Variants in NALF1 observed in about 807,000 individuals in gnomAD.
NALF1 encodes family with sequence similarity 155 member A.
NALF1 carries 3 observed loss-of-function variants against 48.4 expected under a neutral mutation model. The observed-to-expected ratio is 0.06, with a 90% confidence interval of 0.03 to 0.16. The LOEUF (loss-of-function observed/expected upper bound fraction) is 0.16, where lower values mean the gene tolerates loss of function less well. Among genes scored for constraint, NALF1 ranks in the 10% least tolerant of loss-of-function variants. The pLI, the probability that NALF1 is intolerant of heterozygous loss-of-function variation, is 1.00. For synonymous variants in NALF1, 262 were observed against 245.7 expected (o/e 1.07, Z -0.62); for missense variants, 526 against 571.5 (o/e 0.92, Z 0.81).
At chr13:107,257,322 G>A (rs1880837478) in intron 1 of NALF1, among the ~76,000 whole-genome samples, 1 of 152,068 alleles carries the variant, frequency 6.6e-6, no homozygotes, top group South Asian at 2.1e-4. Context: ...GAATAAGACC[G>A]TTGTGACTAC....
intron 1 of NALF1, among the ~76,000 whole-genome samples, chr13:107,508,346 TATC>T (rs549190309): frequency 2.0e-3 from 302 of 151,398 alleles, no homozygotes; most frequent in Admixed American, 6.6e-3. Context: ...ACATATTACA[TATC>T]ATATAGTGGT....
chr13:107,315,309 C>T (rs926745717), intron 1 of NALF1, among the ~76,000 whole-genome samples: 6 of 152,070 alleles, frequency 3.9e-5, no homozygotes, highest in Non-Finnish European at 5.9e-5. Context: ...CCAGACCCTC[C>T]GCACTAAATA....
intron 1 of NALF1, among the ~76,000 whole-genome samples, chr13:107,476,270 G>A (rs1885176107): frequency 6.6e-6 from 1 of 152,010 alleles, no homozygotes; most frequent in Non-Finnish European, 1.5e-5. Context: ...ATCAAAGGCG[G>A]TGATTATAAA....
At chr13:107,639,798 T>C (rs1385261825) in intron 1 of NALF1, among the ~76,000 whole-genome samples, 3 of 152,206 alleles carry the variant, frequency 2.0e-5, no homozygotes, top group African/African-American at 4.8e-5. Flanking sequence ...GCTGTGCTCA[T>C]TGCATTCTTT....
At chr13:107,223,628 C>G (rs1043913205) in intron 1 of NALF1, among the ~76,000 whole-genome samples, 5 of 152,104 alleles carry the variant, frequency 3.3e-5, no homozygotes, top group Admixed American at 3.3e-4. Context: ...CTTTAGAATT[C>G]CTCCCTAAAA....
chr13:107,340,970 A>G (rs144372148), intron 1 of NALF1, among the ~76,000 whole-genome samples: 1 of 152,186 alleles, frequency 6.6e-6, no homozygotes, highest in East Asian at 1.9e-4. Flanking sequence ...GATTTATAGA[A>G]TCAAAGGTAG....
At chr13:107,218,623 A>AC (rs1879927286) in intron 1 of NALF1, among the ~76,000 whole-genome samples, 1 of 151,460 alleles carries the variant, frequency 6.6e-6, no homozygotes, top group African/African-American at 2.4e-5. Flanking sequence ...AAACAAACAA[A>AC]ACAAACAAAC....
chr13:107,668,954 A>C (rs559159567), intron 1 of NALF1, among the ~76,000 whole-genome samples: 1 of 152,184 alleles, frequency 6.6e-6, no homozygotes, highest in Non-Finnish European at 1.5e-5. Context: ...TAAAAAAAAG[A>C]TACCTTCGAA....
At chr13:107,570,953 T>C (rs937431555) in intron 1 of NALF1, among the ~76,000 whole-genome samples, 1 of 152,094 alleles carries the variant, frequency 6.6e-6, no homozygotes, top group Non-Finnish European at 1.5e-5. Flanking sequence ...GATTCTTCAA[T>C]GAGATTTGTA....
intron 1 of NALF1, among the ~76,000 whole-genome samples, chr13:107,601,796 G>T (rs1041953712): frequency 6.6e-6 from 1 of 151,908 alleles, no homozygotes; most frequent in Non-Finnish European, 1.5e-5. Context: ...GGTGGAAATA[G>T]AGTATGTTTC....
intron 1 of NALF1, among the ~76,000 whole-genome samples, chr13:107,650,979 C>T (rs1231170587): frequency 6.6e-6 from 1 of 151,828 alleles, no homozygotes; most frequent in African/African-American, 2.4e-5. Context: ...AGATACTGGG[C>T]TTAGTACCTG....
At chr13:107,467,806 C>A (rs1016488055) in intron 1 of NALF1, among the ~76,000 whole-genome samples, 1 of 151,938 alleles carries the variant, frequency 6.6e-6, no homozygotes, top group Non-Finnish European at 1.5e-5. Context: ...TTTGGGAGAC[C>A]GAGGCGGGTG....
At chr13:107,229,150 A>G (rs1380372250) in intron 1 of NALF1, among the ~76,000 whole-genome samples, 2 of 152,240 alleles carry the variant, frequency 1.3e-5, no homozygotes, top group South Asian at 2.1e-4. Context: ...TAAAATATAA[A>G]CCACATTTTA....
intron 1 of NALF1, among the ~76,000 whole-genome samples, chr13:107,240,248 C>T (rs972382876): frequency 6.6e-6 from 1 of 152,046 alleles, no homozygotes; most frequent in Admixed American, 6.6e-5. Flanking sequence ...ATTTATGGAC[C>T]AATCCAAGGC....
chr13:107,207,320 G>A (rs1352435814), intron 2 of NALF1, among the ~76,000 whole-genome samples: 1 of 152,112 alleles, frequency 6.6e-6, no homozygotes, highest in Non-Finnish European at 1.5e-5. Flanking sequence ...AAAACAGAAT[G>A]TAAATGGCTC....
chr13:107,758,464 G>T (rs997941788), intron 1 of NALF1, among the ~76,000 whole-genome samples: 2 of 152,226 alleles, frequency 1.3e-5, no homozygotes, highest in African/African-American at 4.8e-5. Flanking sequence ...GCTTATGCCT[G>T]TAATCCCAAC....
At chr13:107,812,128 T>C (rs1424410594) in intron 1 of NALF1, among the ~76,000 whole-genome samples, 2 of 152,072 alleles carry the variant, frequency 1.3e-5, no homozygotes, top group Non-Finnish European at 1.5e-5. Context: ...CAAATCTTAG[T>C]GAAGTTCCAT....
intron 1 of NALF1, among the ~76,000 whole-genome samples, chr13:107,681,404 G>T (rs537775660): frequency 6.6e-6 from 1 of 152,172 alleles, no homozygotes; most frequent in African/African-American, 2.4e-5. Context: ...GCTGGAGGAC[G>T]GGCTGCCTGA....
In NALF1 at chr13:107,764,028, C is replaced by G. The variant is rs531266809; in HGVS notation, c.915+101654G>C. On this transcript the variant is annotated intron_variant, in intron 1 of 2. Transcript: ENST00000375915. Reference sequence around the variant, plus strand: ...ACTAATGGCCGGCCTCTGGGAAAGTCGACCAGGCATAGAGGTATCAAAATA... The same window carrying G: ...ACTAATGGCCGGCCTCTGGGAAAGTGGACCAGGCATAGAGGTATCAAAATA... Among the ~76,000 whole-genome samples, 3 of 152,188 alleles carry G rather than the reference C, an allele frequency of 2.0e-5. No individual in the cohort carries two copies. The East Asian group carries it at 5.8e-4, about 29-fold the overall frequency.
Sources: gnomAD v4.1 joint callset for allele counts (sites outside exome capture counted in the v4.1 genomes callset) on GRCh38, gnomAD v4.1.1 for gene constraint, MANE v1.5 for transcripts, NCBI Gene and HGNC (gene_info 2026-07-23, HGNC 2026-07-21) for gene names.